Variants in BNC2 observed in about 807,000 individuals in gnomAD.
BNC2 encodes the protein basonuclin zinc finger protein 2.
BNC2 carries 20 observed loss-of-function variants against 76.3 expected under a neutral mutation model. That is an observed-to-expected ratio of 0.26 (90% CI 0.18 to 0.38). The LOEUF (loss-of-function observed/expected upper bound fraction) is 0.38. BNC2 is among the 10% of genes least tolerant of loss of function. The probability of loss-of-function intolerance (pLI) is 1.00; values close to 1 mark genes in which losing one functional copy is unlikely to be tolerated. For synonymous variants in BNC2, 582 were observed against 514.8 expected (o/e 1.13, Z -1.77); for missense variants, 1,382 against 1,399.8 (o/e 0.99, Z 0.20).
At chr9:16,478,040 A>G (rs1425596512) in intron 5 of BNC2, among the ~76,000 whole-genome samples, 1 of 152,168 alleles carries the variant, frequency 6.6e-6, no homozygotes, top group Non-Finnish European at 1.5e-5. Context: ...GGCAGGAAAA[A>G]AAACCCAGCT....
chr9:16,481,465 C>T (rs2131522169), intron 5 of BNC2, among the ~76,000 whole-genome samples: 1 of 152,274 alleles, frequency 6.6e-6, no homozygotes, highest in South Asian at 2.1e-4. Flanking sequence ...GCCAGCGAGA[C>T]CACGAGCCCA....
chr9:16,792,141 C>T (rs1241017762), intron 1 of BNC2, among the ~76,000 whole-genome samples: 1 of 151,702 alleles, frequency 6.6e-6, no homozygotes, highest in East Asian at 1.9e-4. Context: ...ACCATCATAC[C>T]AACTATACAC....
intron 3 of BNC2, among the ~76,000 whole-genome samples, chr9:16,648,532 G>A (rs531425665): frequency 5.9e-4 from 90 of 152,322 alleles, no homozygotes; most frequent in African/African-American, 2.0e-3. Context: ...TAAGGACCTG[G>A]GAGAGGTGTC....
intron 5 of BNC2, among the ~76,000 whole-genome samples, chr9:16,476,568 T>TAA (rs1221904525): frequency 1.5e-4 from 21 of 137,946 alleles, no homozygotes; most frequent in Admixed American, 1.4e-4. Flanking sequence ...TTGTTTTTTT[T>TAA]AAAAAAAAAA....
intron 3 of BNC2, among the ~76,000 whole-genome samples, chr9:16,716,224 C>T (rs1201473935): frequency 1.3e-5 from 2 of 152,164 alleles, no homozygotes; most frequent in East Asian, 1.9e-4. Flanking sequence ...TAGGATATGT[C>T]TTCAAGGTAT....
intron 1 of BNC2, among the ~76,000 whole-genome samples, chr9:16,833,437 G>GA (rs1278019105): frequency 2.0e-5 from 3 of 152,002 alleles, no homozygotes; most frequent in East Asian, 1.9e-4. Context: ...AGAAGGAAGA[G>GA]AAAAAAAACT....
chr9:16,789,818 C>T (rs59002011), intron 1 of BNC2, among the ~76,000 whole-genome samples: 2 of 152,204 alleles, frequency 1.3e-5, no homozygotes, highest in South Asian at 2.1e-4. Context: ...GCCTGGCACA[C>T]TGCAGACACT....
At chr9:16,583,960 C>T (rs1178224622) in intron 3 of BNC2, among the ~76,000 whole-genome samples, 2 of 152,144 alleles carry the variant, frequency 1.3e-5, no homozygotes, top group Non-Finnish European at 2.9e-5. Flanking sequence ...TGGAGTGTAA[C>T]TTTTTATGAA....
chr9:16,795,714 T>C (rs1817629403), intron 1 of BNC2, among the ~76,000 whole-genome samples: 1 of 152,176 alleles, frequency 6.6e-6, no homozygotes. Context: ...TTGTCATGAG[T>C]TTGGTTCCCA....
At chr9:16,692,636 G>A (rs993682473) in intron 3 of BNC2, among the ~76,000 whole-genome samples, 25 of 152,106 alleles carry the variant, frequency 1.6e-4, no homozygotes, top group Non-Finnish European at 1.5e-4. Flanking sequence ...GATGGAAGCC[G>A]CATAGGGGAA....
chr9:16,722,991 T>C (rs1043885602), intron 3 of BNC2, among the ~76,000 whole-genome samples: 2 of 152,214 alleles, frequency 1.3e-5, no homozygotes, highest in Non-Finnish European at 2.9e-5. Flanking sequence ...CTGAGAATTA[T>C]ATTTGAATAT....
intron 5 of BNC2, among the ~76,000 whole-genome samples, chr9:16,451,750 C>T (rs1821344950): frequency 6.6e-6 from 1 of 152,216 alleles, no homozygotes; most frequent in Admixed American, 6.5e-5. Context: ...AAATGACCTG[C>T]CCCTTCAGTG....
At chr9:16,697,339 C>T (rs10756780) in intron 3 of BNC2, among the ~76,000 whole-genome samples, 90,797 of 151,402 alleles carry the variant, frequency 0.6, 30,947 homozygotes, top group Non-Finnish European at 0.79. Context: ...AGCGAGACTC[C>T]ACCTCAAAAT....
intron 3 of BNC2, chr9:16,685,456 C>A: frequency 1.4e-6 from 1 of 733,562 alleles, no homozygotes. Context: ...GTTGTCTTTT[C>A]CTGATGACGC....
chr9:16,809,710 A>G (rs73649035), intron 1 of BNC2, among the ~76,000 whole-genome samples: 18,877 of 152,030 alleles, frequency 0.12, 1,612 homozygotes, highest in African/African-American at 0.24. Context: ...CTCTGCAAGC[A>G]GAGGATGCAG....
chr9:16,641,847 T>C (rs576467878), intron 3 of BNC2, among the ~76,000 whole-genome samples: 2 of 152,332 alleles, frequency 1.3e-5, no homozygotes, highest in African/African-American at 4.8e-5. Flanking sequence ...CACATGAGAA[T>C]TCCCTTTTTT....
chr9:16,857,586 A>G (rs1191211219), intron 1 of BNC2, among the ~76,000 whole-genome samples: 1 of 152,050 alleles, frequency 6.6e-6, no homozygotes, highest in African/African-American at 2.4e-5. Context: ...AAAATACATC[A>G]TATCATTTTA....
intron 3 of BNC2, among the ~76,000 whole-genome samples, chr9:16,626,856 G>A (rs1041069799): frequency 1.3e-5 from 2 of 152,124 alleles, no homozygotes; most frequent in Non-Finnish European, 2.9e-5. Context: ...TGACCCAGCA[G>A]TGAGCCAAGA....
chr9:16,723,951 A>G (rs1364736848), intron 3 of BNC2, among the ~76,000 whole-genome samples: 1 of 152,146 alleles, frequency 6.6e-6, no homozygotes, highest in Non-Finnish European at 1.5e-5. Flanking sequence ...TTGTTCTTTA[A>G]TAAGACACAG....
Sources: allele counts gnomAD v4.1 joint callset (sites outside exome capture counted in the v4.1 genomes callset), GRCh38; gene constraint gnomAD v4.1.1; transcripts MANE v1.5; gene names NCBI Gene and HGNC (gene_info 2026-07-23, HGNC 2026-07-21).